The following DPP7 variants were observed in gnomAD, a reference collection of about 807,000 sequenced individuals.
DPP7 encodes dipeptidyl peptidase 2.
Under a neutral mutation model 58.8 loss-of-function variants are expected in DPP7, and 74 were observed. The observed-to-expected ratio is 1.26, with a 90% CI of 1.04 to 1.53. DPP7 has a LOEUF of 1.53. Ranked by LOEUF, DPP7 falls within the 40% of genes most tolerant of loss-of-function variation. The pLI is 0.00. For missense variants in DPP7, 807 were observed against 692.3 expected, an observed-to-expected ratio of 1.17 and a Z score of -1.86; for synonymous variants, 350 against 303.6, an observed-to-expected ratio of 1.15 and a Z score of -1.59.
At chr9:137,114,752 C>T, upstream of DPP7, 17 of 1,205,890 alleles carry the variant, frequency 1.4e-5, no homozygotes, top group Non-Finnish European at 1.7e-5. Context: ...GGCGGGGTCA[C>T]GGGGCCGCCA....
intron 4 of DPP7, 34 bp downstream of exon 4, chr9:137,113,831 G>A (rs745476860): frequency 2.1e-6 from 3 of 1,453,012 alleles, no homozygotes; most frequent in Non-Finnish European, 2.7e-6. Context: ...GGGCAGGGGA[G>A]GGAGGGGGTG....
chr9:137,114,353 T>C lies in DPP7; in HGVS notation c.211A>G (p.Ile71Val). 6.2e-7 allele frequency: 1 copy of C among 1,605,270 alleles called. No homozygotes were observed. The highest frequency in any genetic ancestry group is 8.5e-7 in the Non-Finnish European group (1 of 1,176,932). Residue 71 changes from isoleucine to valine, a missense_variant, in exon 3 of 13, where the codon ATC becomes GTC. Ile to Val is a conservative substitution (Grantham distance 29). Around this residue, in one of 3 missense-constraint regions of DPP7, gnomAD observed 168 missense variants for 124.1 expected, o/e 1.35. Transcript: ENST00000371579. ...CCCTCGTTCCCAGTGTAGAAGAAGA[T>C]GGGCCCCTCGCCCCGGACCCAGAAC... Reference protein sequence around the residue: ...DRFWVRGEGPIFFYTGNEGDV... With the variant: ...DRFWVRGEGPVFFYTGNEGDV...
At chr9:137,111,119 C>A (rs1370182962) in intron 11 of DPP7, among the ~76,000 whole-genome samples, 169 bp from the exon 12 acceptor site, 5 of 152,072 alleles carry the variant, frequency 3.3e-5, no homozygotes, top group Non-Finnish European at 7.4e-5. Flanking sequence ...ATGATGGGGG[C>A]AAAACCGGGT....
intron 8 of DPP7, 49 bp from the exon 9 acceptor site, chr9:137,112,279 C>T (rs778506718): frequency 1.2e-5 from 17 of 1,470,392 alleles, no homozygotes; most frequent in South Asian, 6.1e-5. Flanking sequence ...AGACACACCG[C>T]GGGCTCCGGC....
At chr9:137,117,081 G>T (rs574354743), upstream of DPP7, among the ~76,000 whole-genome samples, 1 of 152,206 alleles carries the variant, frequency 6.6e-6, no homozygotes, top group South Asian at 2.1e-4. Flanking sequence ...AGAGACCGGG[G>T]CCGGTGCGGG....
rs762090218 is a variant in DPP7, at chr9:137,113,245, C to T, written c.664G>A (p.Glu222Lys). The T allele has an allele frequency of 6.2e-7, 1 of 1,613,802 alleles. No homozygotes were observed. Among genetic ancestry groups the T allele is most frequent in the Admixed American group, 1.7e-5 (1 of 60,024 alleles). ...QSPKCTQGVREAFRQIKDLFL... is the reference protein window; with the variant it reads ...QSPKCTQGVRKAFRQIKDLFL... ...AAGTCCTTGATCTGTCGGAACGCTTCCCGCACACCCTGGGTGCATTTGGGA... is the reference window on the plus strand; with the variant it reads ...AAGTCCTTGATCTGTCGGAACGCTTTCCGCACACCCTGGGTGCATTTGGGA... Residue 222 changes from glutamate (E) to lysine (K), a missense_variant, in exon 6 of 13, where the codon GAA (glutamate) becomes AAA (lysine). This residue lies in a region of DPP7 where 624 missense variants were observed against 531.2 expected (regional missense o/e 1.17). Transcript: ENST00000371579.
Position 137,110,913 on chromosome 9 carries a change from G to C in DPP7, c.1310C>G (p.Thr437Ser). 6.2e-7 allele frequency: 1 copy of C among 1,613,128 alleles called. No individual in the cohort carries two copies. Among genetic ancestry groups the C allele is most frequent in the Non-Finnish European group, 8.5e-7 (1 of 1,179,940 alleles). The change falls in exon 12 of 13, where the codon ACC (threonine) becomes AGC (serine). Residue 437 changes from threonine (T) to serine (S), a missense_variant. By Grantham distance (58) the Thr-to-Ser change is moderately conservative. Around this residue, in one of 3 missense-constraint regions of DPP7, gnomAD observed 624 missense variants for 531.2 expected, o/e 1.17. Transcript: ENST00000371579. ...RNLSASVIAV[T>S]IQGGAHHLDL... ...GAGGTGGTGCGCTCCCCCCTGGATGGTGACGGCGATGACTGAGGCACTCAG... is the reference window on the plus strand; with the variant it reads ...GAGGTGGTGCGCTCCCCCCTGGATGCTGACGGCGATGACTGAGGCACTCAG...
rs999719059 is a variant in DPP7 at position 137,112,171 on chromosome 9, T to C, written c.991A>G (p.Ser331Gly). Residue 331 changes from serine to glycine, a missense_variant, in exon 9 of 13, where the codon AGC (serine) becomes GGC (glycine). Coordinates refer to ENST00000371579, the MANE Select transcript of DPP7 (RefSeq NM_013379.3). Reference protein sequence around the residue: ...HCYDIYRLYHSCADPTGCGTG... With the variant: ...HCYDIYRLYHGCADPTGCGTG... ...CCGCAGCCAGTGGGGTCAGCACAGC[T>C]GTGGTAGAGCCGGTAGATGTCGTAG... is the stretch of plus-strand genomic sequence containing the variant. 1.2e-6 allele frequency: 2 copies of C among 1,608,680 alleles called. No homozygotes were observed. Among genetic ancestry groups the C allele is most frequent in the East Asian group, 2.2e-5 (1 of 44,868 alleles).
Position 137,114,627 on chromosome 9 carries a change from C to G in DPP7, c.67+20G>C, listed in dbSNP as rs1046158444. On this transcript the variant is annotated intron_variant, in intron 1 of 12. Coordinates refer to ENST00000371579, the MANE Select transcript of DPP7 (RefSeq NM_013379.3). ...GCGGGGCCGGGACCGGGGAATGGGC[C>G]GGGGGGCGCCGCCACTCACCCCCCG... is the stretch of plus-strand genomic sequence containing the variant. The G allele has an allele frequency of 7.1e-7, 1 of 1,399,124 alleles. No homozygotes were observed. The highest frequency in any genetic ancestry group is 1.5e-5 in the African/African-American group (1 of 65,628). The allele number at this position is 1,399,124 out of a possible 1,614,324, so 86.7% of individuals were successfully genotyped here.
Position 137,113,509 on chromosome 9 carries a change from C to G in DPP7, c.486-13G>C, listed in dbSNP as rs766301230. The G allele has an allele frequency of 1.5e-5, 23 of 1,546,560 alleles. No individual in the cohort carries two copies. In the East Asian group the frequency reaches 5.0e-4, roughly 34 times the overall value. On this transcript the variant is annotated splice_polypyrimidine_tract_variant and intron_variant, in intron 4 of 12. Coordinates refer to ENST00000371579, the MANE Select transcript of DPP7 (RefSeq NM_013379.3). Reference sequence around the variant, plus strand: ...CATCCCCCCATAACTGGGTGAGGGACACAGGGTTAGGGCTGCTGCCCCCAA... The same window carrying G: ...CATCCCCCCATAACTGGGTGAGGGAGACAGGGTTAGGGCTGCTGCCCCCAA...
At chr9:137,117,921 T>G (rs1386621122), upstream of DPP7, among the ~76,000 whole-genome samples, 1 of 152,148 alleles carries the variant, frequency 6.6e-6, no homozygotes, top group Non-Finnish European at 1.5e-5. Flanking sequence ...GCACTCACCA[T>G]TCTACCATCT....
At position 137,114,281 on chromosome 9, in the gene DPP7, C is replaced by T; in HGVS notation, c.283G>A (p.Ala95Thr). The T allele has an allele frequency of 6.2e-7, 1 of 1,603,168 alleles. No homozygotes were observed. The highest frequency in any genetic ancestry group is 8.5e-7 in the Non-Finnish European group (1 of 1,175,896). The stretch of plus-strand genomic sequence containing the variant: ...ACCAGTAGAGCCCCCCGCTCGGCCG[C>T]CAGCTCCGCGACGAAGGCCGAGTTG... ...ANNSAFVAEL[A>T]AERGALLVFA... Residue 95 changes from alanine to threonine, a missense_variant, in exon 3 of 13, where the codon GCG (alanine) becomes ACG (threonine). Ala to Thr is a moderately conservative substitution (Grantham distance 58, BLOSUM62 0). Coordinates refer to ENST00000371579, the MANE Select transcript of DPP7 (RefSeq NM_013379.3).
intron 11 of DPP7, among the ~76,000 whole-genome samples, chr9:137,111,421 G>A (rs1485854153): frequency 3.3e-5 from 5 of 152,224 alleles, no homozygotes; most frequent in Admixed American, 1.3e-4. Flanking sequence ...GAGGCCATGC[G>A]GGGAAGATCG....
upstream of DPP7, among the ~76,000 whole-genome samples, chr9:137,115,934 G>T (rs536049209): frequency 6.6e-6 from 1 of 152,026 alleles, no homozygotes; most frequent in Non-Finnish European, 1.5e-5. Context: ...ACCCCACGGC[G>T]TCCCCCACCC....
At chr9:137,112,548 G>T in intron 8 of DPP7, 197 bp downstream of exon 8, 1 of 729,718 alleles carries the variant, frequency 1.4e-6, no homozygotes, top group Non-Finnish European at 2.2e-6. Context: ...GCTACAGCCA[G>T]TGCTGAGAGG....
rs1365287669 is a variant in DPP7 at position 137,110,881 on chromosome 9, T to A, written c.1342A>T (p.Arg448Ter). The change falls in exon 12 of 13, where the codon AGA becomes TGA. Residue 448 changes from arginine to a stop codon, truncating the protein, a stop_gained and splice_region_variant. Coordinates refer to ENST00000371579, the MANE Select transcript of DPP7 (RefSeq NM_013379.3). LOFTEE classifies it low-confidence loss of function (END_TRUNC). ...CCGCCAGGCCACCTCCCTCCGCACC[T>A]GAGGTCGAGGTGGTGCGCTCCCCCC... ...IQGGAHHLDL[R>*]ASHPEDPASV... 1 of 1,611,446 alleles carries A rather than the reference T, an allele frequency of 6.2e-7. No individual in the cohort carries two copies. The highest frequency in any genetic ancestry group is 8.5e-7 in the Non-Finnish European group (1 of 1,179,550).
At chr9:137,113,724 G>A in intron 4 of DPP7, 141 bp downstream of exon 4, 1 of 1,421,234 alleles carries the variant, frequency 7.0e-7, no homozygotes, top group Non-Finnish European at 9.2e-7. Flanking sequence ...TCCTGGGGGA[G>A]GCAACACTAA....
upstream of DPP7, among the ~76,000 whole-genome samples, chr9:137,117,755 T>C (rs1831665666): frequency 6.6e-6 from 1 of 152,178 alleles, no homozygotes; most frequent in African/African-American, 2.4e-5. Flanking sequence ...TTATACATAA[T>C]ATAAAATTGA....
upstream of DPP7, among the ~76,000 whole-genome samples, chr9:137,115,417 A>G (rs1255364473): frequency 6.6e-6 from 1 of 152,132 alleles, no homozygotes; most frequent in Non-Finnish European, 1.5e-5. Context: ...GGAAGAAGTC[A>G]CCTTTCCCCA....
Sources: gnomAD v4.1 joint callset for allele counts (sites outside exome capture counted in the v4.1 genomes callset) on GRCh38, gnomAD v4.1.1 for gene constraint, gnomAD v4.1.1 regional missense constraint, MANE v1.5 for transcripts, NCBI Gene and HGNC (gene_info 2026-07-23, HGNC 2026-07-21) for gene names.